Variants in TAFA2 observed in about 807,000 individuals in gnomAD.
TAFA2 encodes the protein chemokine-like protein TAFA-2.
Under a neutral mutation model 18.8 loss-of-function variants are expected in TAFA2, and 7 were observed. The ratio of observed to expected loss-of-function variants is 0.37; its 90% CI spans 0.21 to 0.70. TAFA2 has a LOEUF of 0.70. Among genes scored for constraint, TAFA2 ranks in the 30% least tolerant of loss-of-function variants. TAFA2 has a pLI of 0.53. For synonymous variants in TAFA2, 60 were observed against 54.2 expected (o/e 1.11, Z -0.47); for missense variants, 122 against 158.1 (o/e 0.77, Z 1.23).
chr12:62,072,854 A>G (rs1393287104), intron 1 of TAFA2, among the ~76,000 whole-genome samples: 3 of 152,216 alleles, frequency 2.0e-5, no homozygotes, highest in African/African-American at 7.2e-5. Flanking sequence ...GGAGCAAAGT[A>G]AAGAAAGAAA....
At chr12:62,083,731 T>G (rs1868359151) in intron 1 of TAFA2, among the ~76,000 whole-genome samples, 1 of 152,216 alleles carries the variant, frequency 6.6e-6, no homozygotes, top group African/African-American at 2.4e-5. Context: ...ATATTTTTTT[T>G]TGTAGCAATG....
chr12:62,195,581 T>C (rs1213944924), upstream of TAFA2, among the ~76,000 whole-genome samples: 1 of 152,240 alleles, frequency 6.6e-6, no homozygotes, highest in Non-Finnish European at 1.5e-5. Context: ...AACCTTCTTG[T>C]ACATCTTCAT....
chr12:62,042,432 CGT>C (rs71450572), intron 1 of TAFA2, among the ~76,000 whole-genome samples: 51,736 of 143,140 alleles, frequency 0.36, 9,167 homozygotes, highest in Non-Finnish European at 0.4. Context: ...TGTGTGTGCG[CGT>C]GTGTGTGTGT....
intron 1 of TAFA2, among the ~76,000 whole-genome samples, chr12:62,187,139 A>G (rs904844092): frequency 1.3e-5 from 2 of 152,196 alleles, no homozygotes; most frequent in Admixed American, 6.5e-5. Flanking sequence ...CAGCACACAG[A>G]TATGTTCAGC....
intron 1 of TAFA2, among the ~76,000 whole-genome samples, chr12:62,142,926 C>G (rs904889284): frequency 5.3e-5 from 8 of 152,102 alleles, no homozygotes; most frequent in Non-Finnish European, 7.4e-5. Context: ...ATAAGTACTA[C>G]TATTGTTTTC....
intron 1 of TAFA2, among the ~76,000 whole-genome samples, chr12:62,128,735 T>C (rs1870565882): frequency 6.6e-6 from 1 of 151,992 alleles, no homozygotes. Context: ...AATATGTGCT[T>C]AGTTAAAAAG....
intron 1 of TAFA2, among the ~76,000 whole-genome samples, chr12:61,919,727 T>G: frequency 6.6e-6 from 1 of 151,828 alleles, no homozygotes; most frequent in East Asian, 1.9e-4. Context: ...TGTTATTATA[T>G]TGTATCACTG....
At chr12:62,066,169 GTA>G (rs755411914) in intron 1 of TAFA2, among the ~76,000 whole-genome samples, 9 of 147,466 alleles carry the variant, frequency 6.1e-5, no homozygotes, top group Non-Finnish European at 6.0e-5. Context: ...ACATAGTAGG[GTA>G]TATATATTTA....
At chr12:61,815,184 G>A (rs2121023898) in intron 2 of TAFA2, among the ~76,000 whole-genome samples, 1 of 151,548 alleles carries the variant, frequency 6.6e-6, no homozygotes, top group African/African-American at 2.4e-5. Context: ...TATTTTCTAG[G>A]AAGATAGGCA....
At chr12:61,715,355 T>C (rs1225568089) in intron 4 of TAFA2, among the ~76,000 whole-genome samples, 1 of 151,914 alleles carries the variant, frequency 6.6e-6, no homozygotes, top group Non-Finnish European at 1.5e-5. Flanking sequence ...TTTATTTTAT[T>C]TTATTTTTTT....
chr12:61,948,212 C>T (rs921984202), intron 1 of TAFA2, among the ~76,000 whole-genome samples: 2 of 152,124 alleles, frequency 1.3e-5, no homozygotes, highest in African/African-American at 4.8e-5. Context: ...TCATCACAAA[C>T]TCCAAGCATG....
chr12:62,116,472 C>A (rs543757276), intron 1 of TAFA2, among the ~76,000 whole-genome samples: 43 of 151,368 alleles, frequency 2.8e-4, no homozygotes, highest in Middle Eastern at 6.8e-3. Flanking sequence ...ATCTTGTAGG[C>A]TCTGGCGTAT....
chr12:61,989,652 C>A (rs1385749984), intron 1 of TAFA2, among the ~76,000 whole-genome samples: 1 of 152,140 alleles, frequency 6.6e-6, no homozygotes, highest in Non-Finnish European at 1.5e-5. Context: ...CTTCTTCCCC[C>A]ACTCCCAGAA....
At chr12:61,931,961 T>G (rs1349411211) in intron 1 of TAFA2, among the ~76,000 whole-genome samples, 2 of 152,210 alleles carry the variant, frequency 1.3e-5, no homozygotes, top group African/African-American at 2.4e-5. Context: ...CCCTTACAAA[T>G]TTTATACCTA....
In TAFA2 at chr12:61,881,729, G is replaced by A. The variant is rs1875149550; in HGVS notation, c.-1-14303C>T. On this transcript the variant is annotated intron_variant, in intron 1 of 4. Transcript: ENST00000416284. ...CCCACCCTCCCTTTTCCCTTCAGGA[G>A]CCAGAAATCCAGAATCATATCTGAA... 2.0e-5 allele frequency among the ~76,000 whole-genome samples: 3 copies of A among 151,964 alleles called. No homozygotes were observed. In the South Asian group the frequency reaches 6.2e-4, roughly 32 times the overall value.
At chr12:61,895,504 T>TA (rs1359702106) in intron 1 of TAFA2, among the ~76,000 whole-genome samples, 1 of 152,142 alleles carries the variant, frequency 6.6e-6, no homozygotes, top group African/African-American at 2.4e-5. Context: ...TAAAAACTGA[T>TA]ACCTGAGATT....
intron 2 of TAFA2, among the ~76,000 whole-genome samples, chr12:61,807,584 T>A (rs1017858253): frequency 6.6e-6 from 1 of 151,276 alleles, no homozygotes; most frequent in South Asian, 2.1e-4. Flanking sequence ...GATCCACTGA[T>A]AACTTGCACT....
At chr12:61,928,194 A>C (rs950559938) in intron 1 of TAFA2, among the ~76,000 whole-genome samples, 1 of 152,244 alleles carries the variant, frequency 6.6e-6, no homozygotes. Flanking sequence ...TCTGCACAGC[A>C]AAAGAAAATA....
At chr12:61,857,728 T>C (rs1343277164) in intron 2 of TAFA2, among the ~76,000 whole-genome samples, 2 of 152,186 alleles carry the variant, frequency 1.3e-5, no homozygotes, top group African/African-American at 4.8e-5. Context: ...TCTTCTTTCA[T>C]GGGTGTCAGA....
Sources: allele counts gnomAD v4.1 joint callset (sites outside exome capture counted in the v4.1 genomes callset), GRCh38; gene constraint gnomAD v4.1.1; transcripts MANE v1.5; gene names NCBI Gene and HGNC (gene_info 2026-07-23, HGNC 2026-07-21).